PAK5: variants seen among roughly 807,000 people sequenced by gnomAD.
The protein encoded by PAK5 is serine/threonine-protein kinase PAK 5.
Under a neutral mutation model 65.9 loss-of-function variants are expected in PAK5, and 16 were observed. The observed-to-expected ratio is 0.24, with a 90% CI of 0.16 to 0.37. The LOEUF (loss-of-function observed/expected upper bound fraction) is 0.37. Ranked by LOEUF, PAK5 falls within the 10% of genes least tolerant of loss-of-function variation. The pLI, the probability that PAK5 is intolerant of heterozygous loss-of-function variation, is 1.00. For synonymous variants in PAK5, 371 were observed against 354.9 expected (o/e 1.05, Z -0.51); for missense variants, 785 against 903.9 (o/e 0.87, Z 1.69).
chr20:9,771,374 G>A (rs948617956), intron 1 of PAK5, among the ~76,000 whole-genome samples: 1 of 151,740 alleles, frequency 6.6e-6, no homozygotes, highest in African/African-American at 2.4e-5. Context: ...CTACTATAGC[G>A]GAGTGTCAAG....
chr20:9,550,727 T>C (rs1036256035), intron 7 of PAK5, among the ~76,000 whole-genome samples: 2 of 95,548 alleles, frequency 2.1e-5, no homozygotes, highest in Non-Finnish European at 4.3e-5. Flanking sequence ...GAAACCATAA[T>C]TGTGGTGTGT....
intron 3 of PAK5, among the ~76,000 whole-genome samples, chr20:9,608,431 A>G (rs1044075056): frequency 6.6e-6 from 1 of 152,226 alleles, no homozygotes; most frequent in Non-Finnish European, 1.5e-5. Context: ...CTTGGAGGAC[A>G]GCCAGTCAGT....
chr20:9,754,922 C>T lies in PAK5; in HGVS notation c.-161-43487G>A, dbSNP rs139848010. On this transcript the variant is annotated intron_variant, in intron 1 of 9. Coordinates refer to ENST00000353224, the MANE Select transcript of PAK5 (RefSeq NM_177990.4). The stretch of plus-strand genomic sequence containing the variant: ...AAGGAACTCAACTACCTTTGTCTAT[C>T]GGGAAATGTCTTTAAAAAGTTTCAA... Among the ~76,000 whole-genome samples the T allele has an allele frequency of 7.0e-4, 107 of 152,196 alleles. 1 individual carries two copies. The highest frequency in any genetic ancestry group is 2.3e-3 in the African/African-American group (94 of 41,540).
At chr20:9,762,180 A>C (rs1197826597) in intron 1 of PAK5, among the ~76,000 whole-genome samples, 2 of 152,214 alleles carry the variant, frequency 1.3e-5, no homozygotes, top group Non-Finnish European at 2.9e-5. Flanking sequence ...CACAGAGAAA[A>C]AATTCTTTGA....
chr20:9,810,757 A>G (rs2049289297), intron 1 of PAK5, among the ~76,000 whole-genome samples: 1 of 152,184 alleles, frequency 6.6e-6, no homozygotes, highest in African/African-American at 2.4e-5. Flanking sequence ...CTGCATTAAT[A>G]AAAATGTACA....
chr20:9,792,390 G>T (rs530272120), intron 1 of PAK5, among the ~76,000 whole-genome samples: 27 of 152,276 alleles, frequency 1.8e-4, no homozygotes, highest in Middle Eastern at 3.4e-3. Flanking sequence ...CACATTTTAT[G>T]TCAAGAAGTC....
chr20:9,671,382 G>C (rs944945797), intron 2 of PAK5, among the ~76,000 whole-genome samples: 1 of 151,998 alleles, frequency 6.6e-6, no homozygotes, highest in African/African-American at 2.4e-5. Context: ...CCATTTTCAC[G>C]ATATTGATTC....
intron 1 of PAK5, among the ~76,000 whole-genome samples, chr20:9,815,772 C>T (rs1360885872): frequency 6.6e-6 from 1 of 152,060 alleles, no homozygotes; most frequent in African/African-American, 2.4e-5. Context: ...TTAATCCCAC[C>T]AACCTACTCA....
chr20:9,628,851 G>A (rs958189692), intron 3 of PAK5, among the ~76,000 whole-genome samples: 2 of 152,180 alleles, frequency 1.3e-5, no homozygotes, highest in Non-Finnish European at 2.9e-5. Context: ...GAGTTGCCAG[G>A]AAATTAACTC....
intron 1 of PAK5, among the ~76,000 whole-genome samples, chr20:9,723,343 A>G (rs1279083827): frequency 2.0e-5 from 3 of 152,170 alleles, no homozygotes; most frequent in Non-Finnish European, 4.4e-5. Flanking sequence ...TGCAAGGGAA[A>G]GTATTTTGGC....
At chr20:9,542,774 C>G (rs917131820) in intron 8 of PAK5, 54 bp from the exon 9 acceptor site, 18 of 1,536,330 alleles carry the variant, frequency 1.2e-5, no homozygotes, top group Admixed American at 8.6e-5. Context: ...TCTGAAATGT[C>G]AAGTGTGTCC....
chr20:9,701,829 T>C (rs2047942885), intron 2 of PAK5, among the ~76,000 whole-genome samples: 1 of 151,876 alleles, frequency 6.6e-6, no homozygotes, highest in Admixed American at 6.6e-5. Flanking sequence ...CAAGACCTCG[T>C]CTGTACTAAA....
At chr20:9,656,345 C>G (rs551610324) in intron 2 of PAK5, among the ~76,000 whole-genome samples, 1 of 152,118 alleles carries the variant, frequency 6.6e-6, no homozygotes, top group East Asian at 1.9e-4. Context: ...AACAAGCAGA[C>G]AGCACACAGG....
At chr20:9,814,692 G>A (rs74486172) in intron 1 of PAK5, among the ~76,000 whole-genome samples, 3,596 of 151,458 alleles carry the variant, frequency 0.024, 103 homozygotes, top group African/African-American at 0.082. Flanking sequence ...TCTTACTAAA[G>A]TATCTGTCCA....
At chr20:9,590,215 A>G (rs1315119605) in intron 3 of PAK5, among the ~76,000 whole-genome samples, 1 of 152,178 alleles carries the variant, frequency 6.6e-6, no homozygotes, top group East Asian at 1.9e-4. Flanking sequence ...AAGTGATCTC[A>G]TGCAACAGCC....
At chr20:9,791,842 C>G (rs113904648) in intron 1 of PAK5, among the ~76,000 whole-genome samples, 1 of 152,082 alleles carries the variant, frequency 6.6e-6, no homozygotes, top group Non-Finnish European at 1.5e-5. Context: ...TTGGGTCACA[C>G]CTCCAGGGCT....
chr20:9,655,444 G>A (rs895562643), intron 2 of PAK5, among the ~76,000 whole-genome samples: 3 of 150,724 alleles, frequency 2.0e-5, no homozygotes, highest in Admixed American at 1.3e-4. Context: ...TATTTGGGGT[G>A]TTATGTTAAA....
chr20:9,763,724 T>C (rs931398672), intron 1 of PAK5, among the ~76,000 whole-genome samples: 2 of 152,076 alleles, frequency 1.3e-5, no homozygotes, highest in Non-Finnish European at 2.9e-5. Flanking sequence ...TTGAAACATT[T>C]CAAACTGAAG....
intron 1 of PAK5, among the ~76,000 whole-genome samples, chr20:9,822,311 A>G (rs1020383896): frequency 6.6e-6 from 1 of 150,524 alleles, no homozygotes; most frequent in South Asian, 2.1e-4. Flanking sequence ...AAAAAAAAGC[A>G]ATTACATTAC....
Sources: allele counts gnomAD v4.1 joint callset (sites outside exome capture counted in the v4.1 genomes callset), GRCh38; gene constraint gnomAD v4.1.1; transcripts MANE v1.5; gene names NCBI Gene and HGNC (gene_info 2026-07-23, HGNC 2026-07-21).